Variants in MEGF10 observed in about 807,000 individuals in gnomAD.
MEGF10 encodes multiple epidermal growth factor-like domains protein 10.
Under a neutral mutation model 147.5 loss-of-function variants are expected in MEGF10, and 86 were observed. The observed-to-expected ratio is 0.58, with a 90% confidence interval of 0.49 to 0.70. The LOEUF (loss-of-function observed/expected upper bound fraction) is 0.70, where lower values mean the gene tolerates loss of function less well. MEGF10 is among the 30% of genes least tolerant of loss of function. MEGF10 has a pLI of 0.00. For missense variants in MEGF10, 1,329 were observed against 1,487.3 expected (o/e 0.89, Z 1.75); for synonymous variants, 478 against 525.5 (o/e 0.91, Z 1.24).
In MEGF10 at chr5:127,459,951, AG is replaced by A; in HGVS notation, c.*2634del. 6.6e-6 allele frequency: 1 copy of A among 152,238 alleles called. No homozygotes were observed. The highest frequency in any genetic ancestry group is 1.9e-4 in the East Asian group (1 of 5,200). 9.4% of individuals were successfully genotyped at this position (152,238 alleles called of 1,614,324 possible). ...GAATGAGAATTAAAGAGAAAACAAAAGAATCTTGGCAAAATTTTCCCTCTGA... is the reference window on the plus strand; with the variant it reads ...GAATGAGAATTAAAGAGAAAACAAAAAATCTTGGCAAAATTTTCCCTCTGA... On this transcript the variant is annotated 3_prime_UTR_variant, in exon 25 of 25. Coordinates refer to ENST00000503335, the MANE Select transcript of MEGF10 (RefSeq NM_001256545.2).
chr5:127,438,862 A>G (rs1765651841), intron 17 of MEGF10, among the ~76,000 whole-genome samples: 2 of 152,170 alleles, frequency 1.3e-5, no homozygotes, highest in Non-Finnish European at 2.9e-5. Flanking sequence ...CAAATTCTCA[A>G]TCCTTTAACA....
chr5:127,401,622 A>G (rs1764137231), intron 7 of MEGF10, among the ~76,000 whole-genome samples: 1 of 152,230 alleles, frequency 6.6e-6, no homozygotes, highest in Non-Finnish European at 1.5e-5. Context: ...AGCTTCCAAT[A>G]GTTAAAAACA....
intron 22 of MEGF10, among the ~76,000 whole-genome samples, chr5:127,452,343 G>T (rs1197245483): frequency 1.3e-5 from 2 of 152,212 alleles, no homozygotes; most frequent in Non-Finnish European, 2.9e-5. Context: ...AAGAGTATTT[G>T]GCAAAGAGGA....
intron 1 of MEGF10, among the ~76,000 whole-genome samples, chr5:127,291,760 A>G (rs1023925388): frequency 6.6e-6 from 1 of 152,112 alleles, no homozygotes; most frequent in Non-Finnish European, 1.5e-5. Context: ...TGGTTTAAGG[A>G]AGTGTTTTGG....
chr5:127,426,496 G>A (rs927722110), intron 13 of MEGF10, among the ~76,000 whole-genome samples: 1 of 152,168 alleles, frequency 6.6e-6, no homozygotes, highest in Non-Finnish European at 1.5e-5. Flanking sequence ...GTAGAAGAAT[G>A]AGGAAAATGA....
intron 1 of MEGF10, among the ~76,000 whole-genome samples, chr5:127,328,288 A>C (rs1272974516): frequency 1.3e-5 from 2 of 152,138 alleles, no homozygotes; most frequent in African/African-American, 4.8e-5. Context: ...ACTATTCTAG[A>C]GCTCAGTTAA....
chr5:127,451,997 G>GTTCAT (rs1448407619), intron 22 of MEGF10, among the ~76,000 whole-genome samples: 1 of 152,134 alleles, frequency 6.6e-6, no homozygotes, highest in Non-Finnish European at 1.5e-5. Context: ...CCCTTGATTC[G>GTTCAT]TTCATTTGTG....
intron 4 of MEGF10, among the ~76,000 whole-genome samples, chr5:127,368,261 G>C (rs1580772336): frequency 1.3e-5 from 2 of 152,160 alleles, no homozygotes; most frequent in South Asian, 2.1e-4. Flanking sequence ...CAAATATTAT[G>C]AGGTTGCTAA....
At chr5:127,256,081 C>G in the MEGF10 span, among the ~76,000 whole-genome samples, 2 of 152,282 alleles carry the variant, frequency 1.3e-5, no homozygotes, top group East Asian at 3.9e-4. Flanking sequence ...CATGACTGCC[C>G]TAACCAAAGC....
At chr5:127,311,820 A>G (rs966334061) in intron 1 of MEGF10, among the ~76,000 whole-genome samples, 1 of 152,190 alleles carries the variant, frequency 6.6e-6, no homozygotes, top group Non-Finnish European at 1.5e-5. Context: ...TTTCTCTAAT[A>G]TGCATGTTAC....
intron 12 of MEGF10, among the ~76,000 whole-genome samples, chr5:127,421,744 T>A (rs1765013202): frequency 1.3e-5 from 2 of 152,146 alleles, no homozygotes; most frequent in South Asian, 4.1e-4. Flanking sequence ...TAACAAAATA[T>A]CTTCATTTTT....
chr5:127,446,321 AC>A (rs1372836414), intron 20 of MEGF10, among the ~76,000 whole-genome samples: 1 of 152,196 alleles, frequency 6.6e-6, no homozygotes, highest in African/African-American at 2.4e-5. Context: ...AATCTTTATT[AC>A]TTTTTGGGTG....
intron 4 of MEGF10, among the ~76,000 whole-genome samples, chr5:127,342,341 A>G (rs566594191): frequency 6.6e-6 from 1 of 152,270 alleles, no homozygotes; most frequent in South Asian, 2.1e-4. Flanking sequence ...ACAACCATCA[A>G]CATACCAAGA....
At chr5:127,440,712 C>A in intron 17 of MEGF10, 27 bp from the exon 18 acceptor site, 1 of 1,611,852 alleles carries the variant, frequency 6.2e-7, no homozygotes, top group Non-Finnish European at 8.5e-7. Context: ...AGCCTCTTGA[C>A]TCCTACTGTC....
intron 2 of MEGF10, among the ~76,000 whole-genome samples, chr5:127,333,992 A>C (rs1023382473): frequency 6.6e-6 from 1 of 152,202 alleles, no homozygotes; most frequent in African/African-American, 2.4e-5. Context: ...AAGAGTTGAC[A>C]GCTATAATCT....
intron 9 of MEGF10, among the ~76,000 whole-genome samples, chr5:127,411,935 C>G (rs1421744986): frequency 6.6e-6 from 1 of 152,110 alleles, no homozygotes. Flanking sequence ...CAACTGAAAT[C>G]AAATGGAATA....
At chr5:127,336,499 A>T (rs1457709505) in intron 2 of MEGF10, among the ~76,000 whole-genome samples, 1 of 152,120 alleles carries the variant, frequency 6.6e-6, no homozygotes, top group Non-Finnish European at 1.5e-5. Context: ...GAGGAAATTT[A>T]TGTACTCCAA....
At chr5:127,266,821 G>A in the MEGF10 span, among the ~76,000 whole-genome samples, 2 of 152,156 alleles carry the variant, frequency 1.3e-5, no homozygotes, top group African/African-American at 4.8e-5. Context: ...GAGATTTTGG[G>A]CTGAGACAAT....
intron 20 of MEGF10, among the ~76,000 whole-genome samples, chr5:127,446,825 T>C (rs150770132): frequency 1.3e-5 from 2 of 152,328 alleles, no homozygotes; most frequent in East Asian, 1.9e-4. Context: ...AGCTAAGCCC[T>C]GATTAGCTAA....
Sources: gnomAD v4.1 joint callset for allele counts (sites outside exome capture counted in the v4.1 genomes callset) on GRCh38, gnomAD v4.1.1 for gene constraint, MANE v1.5 for transcripts, NCBI Gene and HGNC (gene_info 2026-07-23, HGNC 2026-07-21) for gene names.